The following SOCS6 variants were observed in gnomAD, a reference collection of about 807,000 sequenced individuals.
The protein encoded by SOCS6 is suppressor of cytokine signaling 6.
SOCS6 carries 5 observed loss-of-function variants against 27.7 expected under a neutral mutation model. The observed-to-expected ratio is 0.18, with a 90% confidence interval of 0.09 to 0.38. The LOEUF (loss-of-function observed/expected upper bound fraction) is 0.38, where lower values mean the gene tolerates loss of function less well. Ranked by LOEUF, SOCS6 falls within the 10% of genes least tolerant of loss-of-function variation. The pLI, the probability that SOCS6 is intolerant of heterozygous loss-of-function variation, is 1.00. For synonymous variants in SOCS6, 271 were observed against 260.0 expected (o/e 1.04, Z -0.41); for missense variants, 595 against 688.1 (o/e 0.86, Z 1.51).
At chr18:70,314,934 T>C (rs1336379684) in intron 1 of SOCS6, among the ~76,000 whole-genome samples, 2 of 151,982 alleles carry the variant, frequency 1.3e-5, no homozygotes, top group Non-Finnish European at 2.9e-5. Flanking sequence ...AATTGATGTT[T>C]AGTATTTTTT....
chr18:70,293,262 T>A (rs2062308170), intron 1 of SOCS6, among the ~76,000 whole-genome samples: 1 of 152,216 alleles, frequency 6.6e-6, no homozygotes, highest in Non-Finnish European at 1.5e-5. Context: ...TTTGTCCTTT[T>A]CTGAGCTGGT....
At position 70,310,282 on chromosome 18, in the gene SOCS6, T is replaced by TG. The variant is rs1256488741; in HGVS notation, c.-126-14261_-126-14260insG. Among the ~76,000 whole-genome samples, 5 of 146,758 alleles carry TG rather than the reference T, an allele frequency of 3.4e-5. No individual in the cohort carries two copies. In the East Asian group the frequency reaches 5.9e-4, roughly 17 times the overall value. ...TTAAAATATAGTTTTCATAAATGGT[T>TG]TTTTTTTTTTTTGAGACAGGGTCTC... is the stretch of plus-strand genomic sequence containing the variant. On this transcript the variant is annotated intron_variant, in intron 1 of 1. Coordinates refer to ENST00000397942, the MANE Select transcript of SOCS6 (RefSeq NM_004232.4).
rs1911250645 is a variant in SOCS6, at chr18:70,327,405, C to T, written c.*1129C>T. 6.0e-6 allele frequency: 1 copy of T among 166,464 alleles called. No homozygotes were observed. The highest frequency in any genetic ancestry group is 2.4e-5 in the African/African-American group (1 of 41,286). 10.3% of individuals were successfully genotyped at this position (166,464 alleles called of 1,614,324 possible). ...CCTTACCCCCACTATAAAGAGAACC[C>T]GTGATGACTTTAGTTTAAAAATTGT... On this transcript the variant is annotated 3_prime_UTR_variant, in exon 2 of 2. Transcript: ENST00000397942.
intron 1 of SOCS6, among the ~76,000 whole-genome samples, chr18:70,323,649 G>A (rs2146297077): frequency 6.6e-6 from 1 of 152,272 alleles, no homozygotes; most frequent in East Asian, 1.9e-4. Flanking sequence ...GAACTTGAAG[G>A]TAAATGATTC....
At chr18:70,307,334 G>T (rs2062373661) in intron 1 of SOCS6, among the ~76,000 whole-genome samples, 1 of 152,174 alleles carries the variant, frequency 6.6e-6, no homozygotes, top group African/African-American at 2.4e-5. Flanking sequence ...TGATGTCTTT[G>T]CCTTTGTTAT....
In SOCS6 at chr18:70,328,428, C is replaced by G. The variant is rs1175335082; in HGVS notation, c.*2152C>G. On this transcript the variant is annotated 3_prime_UTR_variant, in exon 2 of 2. Transcript: ENST00000397942. ...TGAACCCGTCTTATGTGGACATAACCTATTCCCTTCGTTTTCTCATCATGC... is the reference window on the plus strand; with the variant it reads ...TGAACCCGTCTTATGTGGACATAACGTATTCCCTTCGTTTTCTCATCATGC... 6.0e-6 allele frequency: 1 copy of G among 166,634 alleles called. No homozygotes were observed. The highest frequency in any genetic ancestry group is 3.4e-3 in the Middle Eastern group (1 of 296). 10.3% of individuals were successfully genotyped at this position (166,634 alleles called of 1,614,324 possible).
chr18:70,290,132 A>C (rs2062292422), intron 1 of SOCS6, among the ~76,000 whole-genome samples: 1 of 152,240 alleles, frequency 6.6e-6, no homozygotes, highest in Non-Finnish European at 1.5e-5. Flanking sequence ...GGCAGCATGC[A>C]CTGTGCATGA....
chr18:70,291,974 A>G (rs1427953561), intron 1 of SOCS6, among the ~76,000 whole-genome samples: 1 of 152,166 alleles, frequency 6.6e-6, no homozygotes, highest in Non-Finnish European at 1.5e-5. Context: ...TTTTATGGGT[A>G]ATTTATTATG....
rs1039642404 is a variant in SOCS6 at position 70,304,161 on chromosome 18, A to G, written c.-127+15071A>G. Reference sequence around the variant, plus strand: ...GTAAACTGATAAATTTGACTAAAATAAAATGGAGAAACTTCTGATCCTCAG... The same window carrying G: ...GTAAACTGATAAATTTGACTAAAATGAAATGGAGAAACTTCTGATCCTCAG... On this transcript the variant is annotated intron_variant, in intron 1 of 1. Coordinates refer to ENST00000397942, the MANE Select transcript of SOCS6 (RefSeq NM_004232.4). 3.2e-4 allele frequency among the ~76,000 whole-genome samples: 49 copies of G among 152,354 alleles called. 1 individual carries two copies. The highest frequency in any genetic ancestry group is 1.2e-3 in the African/African-American group (48 of 41,580).
chr18:70,310,280 GTT>G (rs966328703), intron 1 of SOCS6, among the ~76,000 whole-genome samples: 9 of 116,896 alleles, frequency 7.7e-5, no homozygotes, highest in Admixed American at 1.6e-4. Flanking sequence ...TTCATAAATG[GTT>G]TTTTTTTTTT....
chr18:70,311,021 C>A (rs2062388686), intron 1 of SOCS6, among the ~76,000 whole-genome samples: 1 of 152,166 alleles, frequency 6.6e-6, no homozygotes, highest in Non-Finnish European at 1.5e-5. Context: ...TGCATAACCT[C>A]CAAGTGAGTG....
chr18:70,321,966 A>G (rs59950343), intron 1 of SOCS6, among the ~76,000 whole-genome samples: 1,819 of 152,248 alleles, frequency 0.012, 37 homozygotes, highest in African/African-American at 0.041. Flanking sequence ...TTGAAGGTTA[A>G]GTAGTTGTTT....
chr18:70,310,985 A>G (rs1280718465), intron 1 of SOCS6, among the ~76,000 whole-genome samples: 1 of 152,216 alleles, frequency 6.6e-6, no homozygotes, highest in African/African-American at 2.4e-5. Context: ...ATGAGGATTC[A>G]AGAAGTTAAA....
chr18:70,311,359 AAC>A (rs2062390057), intron 1 of SOCS6, among the ~76,000 whole-genome samples: 3 of 152,212 alleles, frequency 2.0e-5, no homozygotes, highest in African/African-American at 7.2e-5. Context: ...GAACAATTCC[AAC>A]AGTTTGGGAA....
intron 1 of SOCS6, among the ~76,000 whole-genome samples, chr18:70,311,857 C>T (rs2062392118): frequency 6.6e-6 from 1 of 152,042 alleles, no homozygotes; most frequent in Non-Finnish European, 1.5e-5. Context: ...ATTGTTGCTT[C>T]CTGACATTTA....
chr18:70,307,137 C>T (rs1163307359), intron 1 of SOCS6, among the ~76,000 whole-genome samples: 11 of 152,140 alleles, frequency 7.2e-5, no homozygotes, highest in African/African-American at 2.4e-4. Context: ...CTGGTGCGTG[C>T]CTGTAGTCCC....
chr18:70,297,267 G>A (rs528257364), intron 1 of SOCS6, among the ~76,000 whole-genome samples: 1 of 152,038 alleles, frequency 6.6e-6, no homozygotes, highest in African/African-American at 2.4e-5. Context: ...GTCATCTGCC[G>A]TAATTCGCTT....
intron 1 of SOCS6, among the ~76,000 whole-genome samples, chr18:70,312,107 A>G (rs2062392966): frequency 6.6e-6 from 1 of 152,230 alleles, no homozygotes; most frequent in Non-Finnish European, 1.5e-5. Flanking sequence ...TAAACCTCAC[A>G]ACTAGCCTGA....
chr18:70,294,457 T>C (rs1490674863), intron 1 of SOCS6, among the ~76,000 whole-genome samples: 1 of 152,064 alleles, frequency 6.6e-6, no homozygotes, highest in Non-Finnish European at 1.5e-5. Context: ...CACCCCCTCT[T>C]TTATAATATA....
Sources: gnomAD v4.1 joint callset for allele counts (sites outside exome capture counted in the v4.1 genomes callset) on GRCh38, gnomAD v4.1.1 for gene constraint, MANE v1.5 for transcripts, NCBI Gene and HGNC (gene_info 2026-07-23, HGNC 2026-07-21) for gene names.